SLC39A11: variants seen among roughly 807,000 people sequenced by gnomAD.
SLC39A11 encodes the protein solute carrier family 39 member 11.
Under a neutral mutation model 36.1 loss-of-function variants are expected in SLC39A11, and 33 were observed. That is an observed-to-expected ratio of 0.91 (90% CI 0.69 to 1.22). SLC39A11 has a LOEUF of 1.22. Among genes scored for constraint, SLC39A11 ranks in the 50% most tolerant of loss-of-function variants. The pLI is 0.00. For missense variants in SLC39A11, 432 were observed against 430.3 expected, an observed-to-expected ratio of 1.00 and a Z score of -0.03; for synonymous variants, 166 against 170.3, an observed-to-expected ratio of 0.97 and a Z score of 0.20.
At chr17:73,043,948 T>C (rs992290846) in intron 3 of SLC39A11, among the ~76,000 whole-genome samples, 9 of 152,200 alleles carry the variant, frequency 5.9e-5, no homozygotes, top group African/African-American at 2.2e-4. Context: ...CTTCATAATA[T>C]ACCAGCTTTA....
intron 6 of SLC39A11, among the ~76,000 whole-genome samples, chr17:72,783,023 G>GAAAAA (rs2076381117): frequency 1.9e-5 from 2 of 107,644 alleles, no homozygotes; most frequent in African/African-American, 6.6e-5. Flanking sequence ...AAAAAAAAAA[G>GAAAAA]AAAAAAGAAA....
intron 4 of SLC39A11, among the ~76,000 whole-genome samples, chr17:73,026,050 G>T (rs142820957): frequency 6.6e-6 from 1 of 151,310 alleles, no homozygotes; most frequent in Non-Finnish European, 1.5e-5. Flanking sequence ...CCCGGGAGGC[G>T]GAGGTCGCAA....
chr17:72,757,939 G>C (rs1362096892), intron 6 of SLC39A11, among the ~76,000 whole-genome samples: 2 of 152,156 alleles, frequency 1.3e-5, no homozygotes, highest in African/African-American at 4.8e-5. Context: ...AGGCTGGAGT[G>C]CAGTGGCGTG....
chr17:72,882,855 G>A (rs1025806417), intron 5 of SLC39A11, among the ~76,000 whole-genome samples: 8 of 131,538 alleles, frequency 6.1e-5, no homozygotes, highest in East Asian at 2.4e-4. Context: ...GGAGTGCAAT[G>A]GCGCGATCTC....
intron 4 of SLC39A11, among the ~76,000 whole-genome samples, chr17:73,007,722 C>G (rs1185735430): frequency 6.6e-6 from 1 of 152,050 alleles, no homozygotes; most frequent in Non-Finnish European, 1.5e-5. Flanking sequence ...TGAACGAAGT[C>G]CAAGCTAAAG....
At chr17:72,946,266 T>A (rs1048157558) in intron 5 of SLC39A11, among the ~76,000 whole-genome samples, 2 of 152,218 alleles carry the variant, frequency 1.3e-5, no homozygotes, top group African/African-American at 4.8e-5. Flanking sequence ...TAACCCTCTA[T>A]GATTTAAGCT....
At chr17:73,013,665 T>TTTC (rs1293817038) in intron 4 of SLC39A11, among the ~76,000 whole-genome samples, 1 of 145,262 alleles carries the variant, frequency 6.9e-6, no homozygotes, top group Non-Finnish European at 1.5e-5. Context: ...ATTCATAAAC[T>TTTC]TTCTTAAAAC....
chr17:72,895,876 T>C (rs1160587389), intron 5 of SLC39A11, among the ~76,000 whole-genome samples: 2 of 152,214 alleles, frequency 1.3e-5, no homozygotes, highest in East Asian at 3.8e-4. Context: ...CCAAATACTG[T>C]AGTTAAATGA....
intron 5 of SLC39A11, among the ~76,000 whole-genome samples, chr17:72,905,854 C>T (rs948149943): frequency 2.6e-5 from 4 of 151,864 alleles, no homozygotes; most frequent in African/African-American, 9.6e-5. Flanking sequence ...CCCGGGTTCA[C>T]GCCATTCTCC....
At chr17:72,819,506 C>A (rs1300890967) in intron 6 of SLC39A11, among the ~76,000 whole-genome samples, 1 of 151,354 alleles carries the variant, frequency 6.6e-6, no homozygotes, top group African/African-American at 2.4e-5. Context: ...GATGGCCAAT[C>A]CCACCTCTCT....
At position 73,088,293 on chromosome 17, in the gene SLC39A11, C is replaced by CA. The variant is rs1555711947; in HGVS notation, c.108+363dup. Among the ~76,000 whole-genome samples, 474 of 65,600 alleles carry CA rather than the reference C, an allele frequency of 7.2e-3. 3 individuals are homozygous for CA. Among genetic ancestry groups the CA allele is most frequent in the African/African-American group, 0.017 (357 of 20,736 alleles). The allele number at this position is 65,600 out of a possible 152,430, so 43.0% of individuals were successfully genotyped here. A position where few individuals can be genotyped will look rare whatever the true frequency, so the allele number is the denominator to read the frequency against. ...TGGGCAACAGAGCAAGATTCTGTCT[C>CA]AAAAAAAAAAAGAAAAAAGAAAAAA... is the stretch of plus-strand genomic sequence containing the variant. On this transcript the variant is annotated intron_variant, in intron 2 of 9. Transcript: ENST00000255559.
At chr17:72,967,701 T>C (rs1295562226) in intron 4 of SLC39A11, among the ~76,000 whole-genome samples, 1 of 152,162 alleles carries the variant, frequency 6.6e-6, no homozygotes, top group Non-Finnish European at 1.5e-5. Flanking sequence ...CTCTGACATG[T>C]ATCTTCAGCT....
chr17:72,803,089 G>GT (rs2077148175), intron 6 of SLC39A11, among the ~76,000 whole-genome samples: 1 of 152,234 alleles, frequency 6.6e-6, no homozygotes, highest in Admixed American at 6.5e-5. Flanking sequence ...ACAAAGACGG[G>GT]ATTTGGTTTC....
chr17:72,658,894 C>T (rs1278000661), intron 7 of SLC39A11, among the ~76,000 whole-genome samples: 1 of 152,214 alleles, frequency 6.6e-6, no homozygotes, highest in Admixed American at 6.5e-5. Context: ...ATAGCAGCCA[C>T]TGTTAAAACT....
At chr17:72,981,242 C>T (rs1016500706) in intron 4 of SLC39A11, among the ~76,000 whole-genome samples, 3 of 151,672 alleles carry the variant, frequency 2.0e-5, no homozygotes, top group African/African-American at 7.3e-5. Flanking sequence ...CTTCAAAATC[C>T]ACTGTGTATT....
chr17:73,027,163 T>C (rs1294073581), intron 4 of SLC39A11, among the ~76,000 whole-genome samples: 1 of 152,196 alleles, frequency 6.6e-6, no homozygotes, highest in African/African-American at 2.4e-5. Flanking sequence ...GTTTCCCACA[T>C]ACTGCTATAC....
intron 7 of SLC39A11, among the ~76,000 whole-genome samples, chr17:72,649,791 C>T (rs979989530): frequency 1.3e-5 from 2 of 152,026 alleles, no homozygotes; most frequent in African/African-American, 4.8e-5. Flanking sequence ...TGGGGTTTTA[C>T]CATGTTGGCC....
chr17:72,697,986 C>T (rs1412614096), intron 7 of SLC39A11, among the ~76,000 whole-genome samples: 1 of 152,190 alleles, frequency 6.6e-6, no homozygotes, highest in Non-Finnish European at 1.5e-5. Context: ...TGTTTTCCGC[C>T]TTGGACAGTG....
chr17:72,723,353 T>TGTGTGTG (rs1567987031), intron 7 of SLC39A11, among the ~76,000 whole-genome samples: 1 of 148,896 alleles, frequency 6.7e-6, no homozygotes, highest in African/African-American at 2.5e-5. Flanking sequence ...TGTGTGTGTG[T>TGTGTGTG]TTGCAGCCTA....
Sources: allele counts gnomAD v4.1 joint callset (sites outside exome capture counted in the v4.1 genomes callset), GRCh38; gene constraint gnomAD v4.1.1; transcripts MANE v1.5; gene names NCBI Gene and HGNC (gene_info 2026-07-23, HGNC 2026-07-21).